Variants in CARS2 observed in about 807,000 individuals in gnomAD.
CARS2 encodes probable cysteine--tRNA ligase, mitochondrial.
A neutral mutation model predicts 68.8 loss-of-function variants in CARS2; 52 were observed. The ratio of observed to expected loss-of-function variants is 0.76; its 90% CI spans 0.61 to 0.95. The LOEUF (loss-of-function observed/expected upper bound fraction) is 0.95, where lower values mean the gene tolerates loss of function less well. Ranked by LOEUF, CARS2 falls within the 40% of genes least tolerant of loss-of-function variation. The probability of loss-of-function intolerance (pLI) is 0.00; values close to 1 mark genes in which losing one functional copy is unlikely to be tolerated. For synonymous variants in CARS2, 314 were observed against 303.6 expected, an observed-to-expected ratio of 1.03 and a Z score of -0.36; for missense variants, 780 against 754.2, an observed-to-expected ratio of 1.03 and a Z score of -0.40.
rs2062960518 is a variant in CARS2, at chr13:110,676,697, A to G, written c.785+277T>C. Among the ~76,000 whole-genome samples the G allele has an allele frequency of 6.6e-6, 1 of 152,138 alleles. No individual in the cohort carries two copies. The highest frequency in any genetic ancestry group is 1.5e-5 in the Non-Finnish European group (1 of 67,992). On this transcript the variant is annotated intron_variant, in intron 7 of 14. Coordinates refer to ENST00000257347, the MANE Select transcript of CARS2 (RefSeq NM_024537.4). The surrounding 1 kb of genome is among the most constrained non-coding windows in gnomAD (Gnocchi z 4.0). ...CAGGGCCCCAAGCACCAGCCACTAC[A>G]GAGAAGGGTGAGGGAACAGGGCAGC...
chr13:110,666,404 C>T (rs1479996614), intron 8 of CARS2: 1 of 985,276 alleles, frequency 1.0e-6, no homozygotes, highest in East Asian at 1.1e-4. Context: ...TTTGTTTCTG[C>T]TTCATTTTTA....
At position 110,642,406 on chromosome 13, in the gene CARS2, G is replaced by A; in HGVS notation, c.1532C>T (p.Ala511Val). 6.3e-7 allele frequency: 1 copy of A among 1,585,084 alleles called. No homozygotes were observed. Among genetic ancestry groups the A allele is most frequent in the Non-Finnish European group, 8.6e-7 (1 of 1,165,610 alleles). ...CCTTTCTAGGAGCTGCTGCCGCCGG[G>A]CGTCCCCCGTGGCCTCGGGCATGGC... ...ALAMPEATGD[A>V]RRQQLLERQP... Residue 511 changes from alanine (A) to valine (V), a missense_variant, in exon 14 of 15, where the codon GCC becomes GTC. By Grantham distance (64) the Ala-to-Val change is moderately conservative. Transcript: ENST00000257347.
rs1012132291 is a variant in CARS2 at position 110,705,555 on chromosome 13, T to A, written c.241A>T (p.Thr81Ser). The A allele has an allele frequency of 6.2e-7, 1 of 1,613,302 alleles. No homozygotes were observed. Among genetic ancestry groups the A allele is most frequent in the East Asian group, 2.2e-5 (1 of 44,872 alleles). The stretch of plus-strand genomic sequence containing the variant: ...CCAAGGTGCGCATGATCATATACAG[T>A]TGGTCCACAGCTATACCTGGAAACA... ...EAASWYSCGP[T>S]VYDHAHLGHA... The change falls in exon 2 of 15, where the codon ACT (threonine) becomes TCT (serine). Residue 81 changes from threonine (T) to serine (S), a missense_variant. Transcript: ENST00000257347. The surrounding 1 kb of genome is among the most constrained non-coding windows in gnomAD (Gnocchi z 4.0).
chr13:110,696,976 C>T (rs1392382060), intron 3 of CARS2, among the ~76,000 whole-genome samples: 3 of 152,212 alleles, frequency 2.0e-5, no homozygotes, highest in Non-Finnish European at 4.4e-5. Flanking sequence ...CTCCCATCCC[C>T]TGCGGGGCCC....
chr13:110,687,991 T>C lies in CARS2; in HGVS notation c.421A>G (p.Ser141Gly), dbSNP rs2063352726. 6.2e-7 allele frequency: 1 copy of C among 1,612,396 alleles called. No homozygotes were observed. Among genetic ancestry groups the C allele is most frequent in the Non-Finnish European group, 8.5e-7 (1 of 1,179,472 alleles). Residue 141 changes from serine to glycine, a missense_variant, in exon 4 of 15, where the codon AGT becomes GGT. Physicochemically the swap from Ser to Gly is moderately conservative, Grantham distance 56. Coordinates refer to ENST00000257347, the MANE Select transcript of CARS2 (RefSeq NM_024537.4). ...TGCTTGAAGTCTTCCTCATAAAGAC[T>C]GGCGAGGGAAGCGGGGGAAATATTC... ...EMNISPASLA[S>G]LYEEDFKQDM...
In CARS2 at chr13:110,697,970, A is replaced by G; in HGVS notation, c.393+3468T>C. 8.8e-6 allele frequency: 4 copies of G among 455,984 alleles called. 1 individual carries two copies. Among genetic ancestry groups the G allele is most frequent in the South Asian group, 6.2e-5 (4 of 64,538 alleles). The allele number at this position is 455,984 out of a possible 1,614,324, so 28.2% of individuals were successfully genotyped here. On this transcript the variant is annotated intron_variant, in intron 3 of 14. Coordinates refer to ENST00000257347, the MANE Select transcript of CARS2 (RefSeq NM_024537.4). ...CACACCATTCCTTTGACTCATGCCTAAGAGACAAGAGAAGAGCTCTGTTCA... is the reference window on the plus strand; with the variant it reads ...CACACCATTCCTTTGACTCATGCCTGAGAGACAAGAGAAGAGCTCTGTTCA...
rs2063901319 is a variant in CARS2, at chr13:110,705,099, A to AATTTT, written c.275+421_275+422insAAAAT. 6.6e-6 allele frequency among the ~76,000 whole-genome samples: 1 copy of AATTTT among 152,200 alleles called. No homozygotes were observed. The highest frequency in any genetic ancestry group is 2.1e-4 in the South Asian group (1 of 4,828). On this transcript the variant is annotated intron_variant, in intron 2 of 14. Transcript: ENST00000257347. This position sits in a 1 kb window ranked among gnomAD's most constrained non-coding sequence, Gnocchi z 4.0. ...GGGCATTATTTACTAAAATTGTTAT[A>AATTTT]AGATCCAAGTTATCATTCCCATCTC...
At chr13:110,647,652 C>G (rs1279657491) in intron 10 of CARS2, among the ~76,000 whole-genome samples, 1 of 86,628 alleles carries the variant, frequency 1.2e-5, no homozygotes, top group Non-Finnish European at 2.1e-5. Context: ...AGGGAAGGCC[C>G]TCCCGAGGGA....
Position 110,676,520 on chromosome 13 carries a change from C to T in CARS2, c.785+454G>A, listed in dbSNP as rs1334359708. 6.6e-6 allele frequency among the ~76,000 whole-genome samples: 1 copy of T among 152,110 alleles called. No homozygotes were observed. Among genetic ancestry groups the T allele is most frequent in the Admixed American group, 6.5e-5 (1 of 15,276 alleles). ...CCACATGAGGGTGGCTGGGGGACTCCAGGAAGATCTGGGAGGAGCTGGAGA... is the reference window on the plus strand; with the variant it reads ...CCACATGAGGGTGGCTGGGGGACTCTAGGAAGATCTGGGAGGAGCTGGAGA... On this transcript the variant is annotated intron_variant, in intron 7 of 14. Transcript: ENST00000257347. The surrounding 1 kb of genome is among the most constrained non-coding windows in gnomAD (Gnocchi z 4.0).
intron 3 of CARS2, among the ~76,000 whole-genome samples, chr13:110,698,975 G>T (rs1317041969): frequency 6.6e-6 from 1 of 151,796 alleles, no homozygotes; most frequent in Non-Finnish European, 1.5e-5. Flanking sequence ...CCACACCACT[G>T]CACTCCAGCC....
chr13:110,660,308 TTC>T (rs1375878278), intron 9 of CARS2, among the ~76,000 whole-genome samples: 1 of 152,238 alleles, frequency 6.6e-6, no homozygotes, highest in Non-Finnish European at 1.5e-5. Context: ...TGGACTTAAC[TTC>T]TTTCAAACTC....
rs143426410 is a variant in CARS2 at position 110,659,244 on chromosome 13, G to A, written c.987+4207C>T. 3.7e-4 allele frequency among the ~76,000 whole-genome samples: 57 copies of A among 152,190 alleles called. No homozygotes were observed. In the East Asian group the frequency reaches 8.1e-3, roughly 22 times the overall value. On this transcript the variant is annotated intron_variant, in intron 9 of 14. Coordinates refer to ENST00000257347, the MANE Select transcript of CARS2 (RefSeq NM_024537.4). ...CCTGAATATGCCTCCCTGGCATACA[G>A]ATTATTTTGAGCTAAAGACCACTGA...
chr13:110,698,964 A>G (rs375963571), intron 3 of CARS2, among the ~76,000 whole-genome samples: 1 of 151,556 alleles, frequency 6.6e-6, no homozygotes, highest in East Asian at 1.9e-4. Context: ...CTGAACTATG[A>G]CCACACCACT....
chr13:110,655,179 G>A (rs1347077467), intron 9 of CARS2, among the ~76,000 whole-genome samples: 1 of 152,138 alleles, frequency 6.6e-6, no homozygotes, highest in Non-Finnish European at 1.5e-5. Flanking sequence ...GATGTGCACA[G>A]ATATTTAGCT....
chr13:110,702,230 G>C (rs2139931822), intron 2 of CARS2, among the ~76,000 whole-genome samples: 1 of 152,228 alleles, frequency 6.6e-6, no homozygotes, highest in Non-Finnish European at 1.5e-5. Flanking sequence ...TTCTCTTAGG[G>C]TGGTGTGGGG....
intron 8 of CARS2, chr13:110,666,156 C>T (rs1458116163): frequency 2.0e-6 from 2 of 985,280 alleles, no homozygotes; most frequent in African/African-American, 1.7e-5. Flanking sequence ...CTGTGGAAAT[C>T]AGTGCTCGGC....
chr13:110,695,726 AG>A lies in CARS2; in HGVS notation c.393+5711del, dbSNP rs569825531. Among the ~76,000 whole-genome samples, 19 of 152,258 alleles carry A rather than the reference AG, an allele frequency of 1.2e-4. No homozygotes were observed. The East Asian group carries it at 3.7e-3, about 29-fold the overall frequency. ...AAAAAAGGTAAAGAAGAAAAATAAA[AG>A]TTTTAATTTTACCTTCAAAAAAGTT... On this transcript the variant is annotated intron_variant, in intron 3 of 14. Transcript: ENST00000257347.
chr13:110,657,450 C>A (rs2062399754), intron 9 of CARS2, among the ~76,000 whole-genome samples: 1 of 152,166 alleles, frequency 6.6e-6, no homozygotes, highest in Non-Finnish European at 1.5e-5. Context: ...GAGGGCACAA[C>A]AGAGGCCGAG....
At position 110,646,218 on chromosome 13, in the gene CARS2, C is replaced by A; in HGVS notation, c.1194-128G>T. 4 of 1,092,342 alleles carry A rather than the reference C, an allele frequency of 3.7e-6. No individual in the cohort carries two copies. In the South Asian group the frequency reaches 5.2e-5, roughly 14 times the overall value. 67.7% of individuals were successfully genotyped at this position (1,092,342 alleles called of 1,614,324 possible). ...CTGGGGACTTTCTCTAGGTCATATTCCCAAAGACTTGAGTTCCTGAGTAGC... is the reference window on the plus strand; with the variant it reads ...CTGGGGACTTTCTCTAGGTCATATTACCAAAGACTTGAGTTCCTGAGTAGC... On this transcript the variant is annotated intron_variant, in intron 11 of 14. Transcript: ENST00000257347.
Sources: allele counts gnomAD v4.1 joint callset (sites outside exome capture counted in the v4.1 genomes callset), GRCh38; gene constraint gnomAD v4.1.1; non-coding constraint Gnocchi (gnomAD v3.1); transcripts MANE v1.5; gene names NCBI Gene and HGNC (gene_info 2026-07-23, HGNC 2026-07-21).